The following CSMD1 variants were observed in gnomAD, a reference collection of about 807,000 sequenced individuals.
CSMD1 encodes CUB and Sushi multiple domains 1.
In CSMD1, 213 loss-of-function variants were observed where a neutral mutation model predicts 417.5. The ratio of observed to expected loss-of-function variants is 0.51; its 90% confidence interval spans 0.46 to 0.57. The LOEUF is 0.57. Ranked by LOEUF, CSMD1 falls within the 20% of genes least tolerant of loss-of-function variation. The probability of loss-of-function intolerance (pLI) is 0.00; values close to 1 mark genes in which losing one functional copy is unlikely to be tolerated. For synonymous variants in CSMD1, 2,862 were observed against 1,736.8 expected (o/e 1.65, Z -16.11); for missense variants, 6,923 against 4,529.7 (o/e 1.53, Z -15.17).
At chr8:4,258,940 C>A (rs767673832) in intron 3 of CSMD1, among the ~76,000 whole-genome samples, 28 of 152,152 alleles carry the variant, frequency 1.8e-4, no homozygotes, top group Non-Finnish European at 3.7e-4. Context: ...AAACTTATTT[C>A]ATCGACTTAA....
intron 2 of CSMD1, among the ~76,000 whole-genome samples, chr8:4,588,915 G>T (rs372791603): frequency 1.3e-5 from 2 of 151,896 alleles, no homozygotes; most frequent in East Asian, 3.9e-4. Flanking sequence ...CTTTCACTTG[G>T]AAAAAATATA....
intron 1 of CSMD1, among the ~76,000 whole-genome samples, chr8:4,852,595 G>C (rs961433528): frequency 6.6e-6 from 1 of 152,102 alleles, no homozygotes; most frequent in African/African-American, 2.4e-5. Flanking sequence ...TACCAGGAGT[G>C]GGATGTTGCT....
At chr8:4,974,160 G>A (rs962139060) in intron 1 of CSMD1, among the ~76,000 whole-genome samples, 1 of 150,820 alleles carries the variant, frequency 6.6e-6, no homozygotes, top group South Asian at 2.1e-4. Flanking sequence ...GAGATTACAG[G>A]CACATGCCAC....
At chr8:4,267,541 A>G (rs1416141790) in intron 3 of CSMD1, among the ~76,000 whole-genome samples, 4 of 151,804 alleles carry the variant, frequency 2.6e-5, no homozygotes, top group African/African-American at 9.7e-5. Flanking sequence ...TGCAACTCCA[A>G]TTGTAATAGA....
chr8:3,310,547 A>G (rs1349413754), intron 23 of CSMD1, among the ~76,000 whole-genome samples: 3 of 152,224 alleles, frequency 2.0e-5, no homozygotes, highest in African/African-American at 7.2e-5. Flanking sequence ...TACATTAGGT[A>G]TGCTGCTTAT....
intron 3 of CSMD1, among the ~76,000 whole-genome samples, chr8:4,040,205 G>C (rs1013167326): frequency 6.6e-6 from 1 of 152,158 alleles, no homozygotes; most frequent in Non-Finnish European, 1.5e-5. Context: ...GGACATCGTA[G>C]TTTTTCATTT....
chr8:4,697,077 C>T (rs1039708564), intron 1 of CSMD1, among the ~76,000 whole-genome samples: 7 of 152,070 alleles, frequency 4.6e-5, no homozygotes, highest in African/African-American at 1.4e-4. Flanking sequence ...GAGGCTGACG[C>T]AGGAGAATTG....
intron 3 of CSMD1, among the ~76,000 whole-genome samples, chr8:4,381,896 G>C (rs1279272418): frequency 6.6e-6 from 1 of 151,994 alleles, no homozygotes; most frequent in Non-Finnish European, 1.5e-5. Flanking sequence ...CTGCTATACA[G>C]TGATCAAGAC....
rs143414158 is a variant in CSMD1 at position 3,880,057 on chromosome 8, C to CT, written c.818+117845dup. ...ATCCTCGAAGATTATAAAAGATTTT[C>CT]TTTTTTTTTTGACTGAGAACTCCTA... On this transcript the variant is annotated intron_variant, in intron 5 of 69. Coordinates refer to ENST00000635120, the MANE Select transcript of CSMD1 (RefSeq NM_033225.6). Among the ~76,000 whole-genome samples the CT allele has an allele frequency of 3.1e-3, 466 of 149,112 alleles. 1 individual carries two copies. Among genetic ancestry groups the CT allele is most frequent in the Middle Eastern group, 0.011 (3 of 284 alleles).
rs578058682 is a variant in CSMD1 at position 4,244,109 on chromosome 8, G to C, written c.415+175844C>G. On this transcript the variant is annotated intron_variant, in intron 3 of 69. Transcript: ENST00000635120. ...CTGTGCATCTGAAGATGACTACTGG[G>C]TGCTGTGCGGATGAGTTTCGCGCAG... Among the ~76,000 whole-genome samples, 6 of 152,252 alleles carry C rather than the reference G, an allele frequency of 3.9e-5. 1 individual carries two copies. The South Asian group carries it at 1.2e-3, about 32-fold the overall frequency.
intron 66 of CSMD1, 89 bp downstream of exon 66, chr8:2,951,025 C>G: frequency 7.5e-7 from 1 of 1,338,286 alleles, no homozygotes; most frequent in Non-Finnish European, 1.0e-6. Flanking sequence ...GTAATAAGTA[C>G]TTAATACTTA....
intron 2 of CSMD1, among the ~76,000 whole-genome samples, chr8:4,586,753 G>T (rs971365316): frequency 1.3e-5 from 2 of 152,120 alleles, no homozygotes; most frequent in East Asian, 3.9e-4. Context: ...GAATAGCTGT[G>T]CGGTTCCCCA....
intron 46 of CSMD1, among the ~76,000 whole-genome samples, chr8:3,098,885 A>G (rs1400768520): frequency 6.7e-6 from 1 of 148,754 alleles, no homozygotes. Flanking sequence ...GCCAATATAC[A>G]CAATTTTTTT....
intron 12 of CSMD1, among the ~76,000 whole-genome samples, chr8:3,414,891 C>A (rs141221162): frequency 1.3e-5 from 2 of 152,284 alleles, no homozygotes; most frequent in South Asian, 2.1e-4. Flanking sequence ...CGGGGATGGC[C>A]TGTATCCTAC....
chr8:4,879,179 G>C (rs564617876), intron 1 of CSMD1, among the ~76,000 whole-genome samples: 3 of 151,978 alleles, frequency 2.0e-5, no homozygotes, highest in Non-Finnish European at 4.4e-5. Flanking sequence ...AAGGAGAATA[G>C]GCAGGCACAG....
At chr8:4,253,954 G>C (rs1165860673) in intron 3 of CSMD1, among the ~76,000 whole-genome samples, 5 of 118,822 alleles carry the variant, frequency 4.2e-5, no homozygotes, top group African/African-American at 1.0e-4. Flanking sequence ...TCTTGCTCTA[G>C]TGCCCAGGCT....
chr8:3,664,532 G>A (rs1389694178), intron 7 of CSMD1, among the ~76,000 whole-genome samples: 1 of 152,160 alleles, frequency 6.6e-6, no homozygotes. Context: ...GCTGATGGTG[G>A]GTCAAGAGCG....
At chr8:4,272,423 A>G (rs1034850270) in intron 3 of CSMD1, among the ~76,000 whole-genome samples, 5 of 152,196 alleles carry the variant, frequency 3.3e-5, no homozygotes, top group Admixed American at 6.5e-5. Flanking sequence ...TACATATATC[A>G]TACTACATAG....
Position 4,177,058 on chromosome 8 carries a change from C to A in CSMD1, c.416-144959G>T, listed in dbSNP as rs192212838. Among the ~76,000 whole-genome samples the A allele has an allele frequency of 5.9e-4, 90 of 152,266 alleles. 2 individuals carry two copies. In the East Asian group the frequency reaches 0.016, roughly 27 times the overall value. On this transcript the variant is annotated intron_variant, in intron 3 of 69. Transcript: ENST00000635120. The stretch of plus-strand genomic sequence containing the variant: ...TCAACAAGGATATCCAGGAATTGAA[C>A]TCATCTCTGCACCAAGCGGACCTAA...
Sources: allele counts gnomAD v4.1 joint callset (sites outside exome capture counted in the v4.1 genomes callset), GRCh38; gene constraint gnomAD v4.1.1; transcripts MANE v1.5; gene names NCBI Gene and HGNC (gene_info 2026-07-23, HGNC 2026-07-21).